Variants in PRKN observed in about 807,000 individuals in gnomAD.
PRKN encodes the protein E3 ubiquitin-protein ligase parkin.
PRKN carries 56 observed loss-of-function variants against 59.5 expected under a neutral mutation model. The ratio of observed to expected loss-of-function variants is 0.94; its 90% CI spans 0.76 to 1.18. The LOEUF is 1.18. PRKN is among the 50% of genes most tolerant of loss of function. The pLI, the probability that PRKN is intolerant of heterozygous loss-of-function variation, is 0.00. For synonymous variants in PRKN, 250 were observed against 222.1 expected, an observed-to-expected ratio of 1.13 and a Z score of -1.12; for missense variants, 657 against 596.4, an observed-to-expected ratio of 1.10 and a Z score of -1.06.
intron 1 of PRKN, among the ~76,000 whole-genome samples, chr6:162,636,883 C>T (rs1328551202): frequency 6.6e-6 from 1 of 151,924 alleles, no homozygotes; most frequent in Non-Finnish European, 1.5e-5. Context: ...CTGCTTGAGC[C>T]CAGGAGCTCA....
At chr6:162,458,352 GGA>G (rs1791000150) in intron 1 of PRKN, among the ~76,000 whole-genome samples, 1 of 150,220 alleles carries the variant, frequency 6.7e-6, no homozygotes, top group African/African-American at 2.5e-5. Context: ...CTTGAACCCA[GGA>G]AGCAGAGGTT....
chr6:161,630,273 C>T (rs1008956857), intron 7 of PRKN, among the ~76,000 whole-genome samples: 1 of 152,094 alleles, frequency 6.6e-6, no homozygotes, highest in South Asian at 2.1e-4. Context: ...GCCGAGCACC[C>T]ACCAATAACT....
At chr6:162,580,481 G>C (rs1477498373) in intron 1 of PRKN, among the ~76,000 whole-genome samples, 2 of 151,484 alleles carry the variant, frequency 1.3e-5, no homozygotes, top group Non-Finnish European at 2.9e-5. Flanking sequence ...TTCAAGGAGG[G>C]ACTGAGAATT....
intron 2 of PRKN, among the ~76,000 whole-genome samples, chr6:162,430,944 G>A (rs1471826895): frequency 6.6e-6 from 1 of 152,162 alleles, no homozygotes; most frequent in African/African-American, 2.4e-5. Context: ...GAAGAACAAT[G>A]TGCTCAGATA....
chr6:162,257,798 G>A (rs1779707176), intron 3 of PRKN, among the ~76,000 whole-genome samples: 1 of 152,062 alleles, frequency 6.6e-6, no homozygotes, highest in Non-Finnish European at 1.5e-5. Flanking sequence ...GGGTTGTGTT[G>A]CCTCCACCCT....
At chr6:161,668,352 A>C (rs1013715128) in intron 7 of PRKN, among the ~76,000 whole-genome samples, 1 of 152,182 alleles carries the variant, frequency 6.6e-6, no homozygotes, top group Non-Finnish European at 1.5e-5. Flanking sequence ...TACAGATCTC[A>C]TTATGAGCAT....
intron 1 of PRKN, among the ~76,000 whole-genome samples, chr6:162,640,978 T>A (rs2128224481): frequency 6.6e-6 from 1 of 152,254 alleles, no homozygotes; most frequent in South Asian, 2.1e-4. Flanking sequence ...AAGAGTAAAT[T>A]TCTTTTTTGG....
intron 4 of PRKN, among the ~76,000 whole-genome samples, chr6:162,190,081 T>C (rs1474039351): frequency 3.3e-5 from 5 of 152,160 alleles, no homozygotes; most frequent in Non-Finnish European, 7.3e-5. Context: ...AGTTCAATCA[T>C]ACCAACAAAT....
At chr6:161,383,356 T>C (rs1786080144) in intron 10 of PRKN, among the ~76,000 whole-genome samples, 1 of 152,188 alleles carries the variant, frequency 6.6e-6, no homozygotes, top group Admixed American at 6.6e-5. Flanking sequence ...CTTGGGAAGA[T>C]TGGTAAATTC....
At chr6:162,227,605 G>C (rs1033620833) in intron 3 of PRKN, among the ~76,000 whole-genome samples, 3 of 152,104 alleles carry the variant, frequency 2.0e-5, no homozygotes, top group African/African-American at 7.2e-5. Flanking sequence ...CTTTGTGCTT[G>C]ACCTCTACCT....
intron 7 of PRKN, among the ~76,000 whole-genome samples, chr6:161,777,703 A>G (rs1391181014): frequency 7.0e-6 from 1 of 143,628 alleles, no homozygotes; most frequent in African/African-American, 2.6e-5. Flanking sequence ...TACACAATAT[A>G]TAAGAGATAT....
chr6:161,685,265 G>A (rs996048628), intron 7 of PRKN, among the ~76,000 whole-genome samples: 17 of 151,994 alleles, frequency 1.1e-4, no homozygotes, highest in African/African-American at 2.9e-4. Context: ...AATTCTCATC[G>A]GCCACAAACG....
intron 5 of PRKN, among the ~76,000 whole-genome samples, chr6:162,024,234 G>A (rs948821482): frequency 2.0e-5 from 2 of 99,120 alleles, no homozygotes; most frequent in Non-Finnish European, 3.6e-5. Context: ...GTTTCACTCT[G>A]TTGCCCAGGC....
intron 3 of PRKN, among the ~76,000 whole-genome samples, chr6:162,227,670 T>C (rs1255379585): frequency 6.6e-6 from 1 of 152,164 alleles, no homozygotes; most frequent in Admixed American, 6.5e-5. Flanking sequence ...TCTCTTCCCC[T>C]CACTCTTAAA....
At chr6:162,416,015 GT>G (rs1788613722) in intron 2 of PRKN, among the ~76,000 whole-genome samples, 1 of 152,088 alleles carries the variant, frequency 6.6e-6, no homozygotes, top group Non-Finnish European at 1.5e-5. Context: ...AAATTGTGAT[GT>G]CTTTAAATCA....
chr6:161,472,826 TA>T (rs1201517452), intron 9 of PRKN, among the ~76,000 whole-genome samples: 30 of 151,070 alleles, frequency 2.0e-4, no homozygotes, highest in African/African-American at 7.0e-4. Flanking sequence ...ATAACCTGAT[TA>T]AAAAACGGAC....
chr6:162,205,418 T>C (rs1011197246), intron 3 of PRKN, among the ~76,000 whole-genome samples: 7 of 152,128 alleles, frequency 4.6e-5, no homozygotes, highest in Non-Finnish European at 8.8e-5. Context: ...ACAGGATACT[T>C]AGGAAGAGTC....
At chr6:161,759,849 TA>T (rs1789116852) in intron 7 of PRKN, among the ~76,000 whole-genome samples, 1 of 152,108 alleles carries the variant, frequency 6.6e-6, no homozygotes, top group Non-Finnish European at 1.5e-5. Flanking sequence ...CACCTGAACA[TA>T]AAACTGGGTT....
intron 5 of PRKN, among the ~76,000 whole-genome samples, chr6:162,016,989 G>A (rs921614236): frequency 2.6e-5 from 4 of 152,126 alleles, no homozygotes; most frequent in African/African-American, 9.7e-5. Context: ...CTGTGTGTGT[G>A]CAACTCAAAC....
Sources: gnomAD v4.1 joint callset for allele counts (sites outside exome capture counted in the v4.1 genomes callset) on GRCh38, gnomAD v4.1.1 for gene constraint, MANE v1.5 for transcripts, NCBI Gene and HGNC (gene_info 2026-07-23, HGNC 2026-07-21) for gene names.